SLC25A12: variants seen among roughly 807,000 people sequenced by gnomAD.
SLC25A12 encodes the protein solute carrier family 25 member 12.
In SLC25A12, 32 loss-of-function variants were observed where a neutral mutation model predicts 83.3. The ratio of observed to expected loss-of-function variants is 0.38; its 90% CI spans 0.29 to 0.52. The LOEUF is 0.52. Among genes scored for constraint, SLC25A12 ranks in the 20% least tolerant of loss-of-function variants. The pLI, the probability that SLC25A12 is intolerant of heterozygous loss-of-function variation, is 0.84. For synonymous variants in SLC25A12, 267 were observed against 291.1 expected (o/e 0.92, Z 0.84); for missense variants, 611 against 835.6 (o/e 0.73, Z 3.31).
chr2:171,837,672 TTA>T (rs1684587034), intron 5 of SLC25A12, among the ~76,000 whole-genome samples: 1 of 152,194 alleles, frequency 6.6e-6, no homozygotes. Flanking sequence ...AATTAAGAGT[TTA>T]GATTCATTTT....
intron 9 of SLC25A12, among the ~76,000 whole-genome samples, chr2:171,817,447 C>CA (rs1230111772): frequency 6.6e-6 from 1 of 151,502 alleles, no homozygotes; most frequent in Non-Finnish European, 1.5e-5. Context: ...ACTAAAAATA[C>CA]AAAAATTAGT....
chr2:171,841,045 T>C (rs1684661929), intron 5 of SLC25A12, among the ~76,000 whole-genome samples: 1 of 152,182 alleles, frequency 6.6e-6, no homozygotes, highest in African/African-American at 2.4e-5. Context: ...CAAACTATCT[T>C]AGCATAATGG....
At chr2:171,789,896 C>CA (rs1048907992) in intron 15 of SLC25A12, among the ~76,000 whole-genome samples, 185 of 137,698 alleles carry the variant, frequency 1.3e-3, no homozygotes, top group Admixed American at 1.5e-3. Flanking sequence ...TCTGTCTCAC[C>CA]AAAAAAAAAA....
At chr2:171,858,611 T>G (rs1274036383) in intron 3 of SLC25A12, among the ~76,000 whole-genome samples, 1 of 152,258 alleles carries the variant, frequency 6.6e-6, no homozygotes, top group Non-Finnish European at 1.5e-5. Flanking sequence ...TTCTTTGGCA[T>G]GCAAAGTACT....
intron 9 of SLC25A12, among the ~76,000 whole-genome samples, chr2:171,818,562 A>C (rs1355287197): frequency 5.9e-5 from 9 of 151,842 alleles, no homozygotes. Context: ...ACTTGAGCCC[A>C]AGAGTTCAAG....
Position 171,809,598 on chromosome 2 carries a change from ATACT to A in SLC25A12, c.1305+4_1305+7del. 6.2e-7 allele frequency: 1 copy of A among 1,609,518 alleles called. No individual in the cohort carries two copies. The highest frequency in any genetic ancestry group is 8.5e-7 in the Non-Finnish European group (1 of 1,175,822). ...TTGTCACAAGAAGCGCCTAACAGTA[ATACT>A]TACACAGCCTCCAGCAAGAACTTCT... On this transcript the variant is annotated splice_donor_5th_base_variant and intron_variant, in intron 13 of 17. Coordinates refer to ENST00000422440, the MANE Select transcript of SLC25A12 (RefSeq NM_003705.5).
rs1317504749 is a variant in SLC25A12, at chr2:171,783,559, ACTACATATT to A, written c.*1706_*1714del. Among the ~76,000 whole-genome samples the A allele has an allele frequency of 6.6e-6, 1 of 152,236 alleles. No homozygotes were observed. The highest frequency in any genetic ancestry group is 2.4e-5 in the African/African-American group (1 of 41,460). On this transcript the variant is annotated 3_prime_UTR_variant, in exon 18 of 18. Transcript: ENST00000422440. ...ATTTCTATAGAGTTATGAAAAACAG[ACTACATATT>A]CATGCTGTAACCTGTTAGCAGTGAT...
intron 3 of SLC25A12, among the ~76,000 whole-genome samples, chr2:171,858,225 T>A (rs1055060141): frequency 6.6e-6 from 1 of 152,220 alleles, no homozygotes; most frequent in Admixed American, 6.5e-5. Flanking sequence ...GAAACTAATC[T>A]TTCCTTGATT....
intron 15 of SLC25A12, among the ~76,000 whole-genome samples, chr2:171,789,290 A>G (rs1038759208): frequency 1.3e-5 from 2 of 151,958 alleles, no homozygotes; most frequent in African/African-American, 2.4e-5. Context: ...GTGCAGTGGC[A>G]CAATCTCGGC....
At chr2:171,866,023 G>A (rs1205548079) in intron 3 of SLC25A12, among the ~76,000 whole-genome samples, 1 of 138,576 alleles carries the variant, frequency 7.2e-6, no homozygotes, top group African/African-American at 2.7e-5. Context: ...GGGTACTTGA[G>A]ATTAGGGAGT....
At chr2:171,785,506 A>C (rs1438933021) in intron 17 of SLC25A12, 31 bp from the exon 18 acceptor site, 1 of 1,605,100 alleles carries the variant, frequency 6.2e-7, no homozygotes, top group South Asian at 1.1e-5. Context: ...AATGGTTAGC[A>C]TGCTCAAGGT....
intron 4 of SLC25A12, among the ~76,000 whole-genome samples, chr2:171,855,437 A>G (rs1299819131): frequency 6.6e-6 from 1 of 152,192 alleles, no homozygotes; most frequent in Non-Finnish European, 1.5e-5. Context: ...ACATAGTAGC[A>G]ATTTTCCAAG....
At position 171,787,774 on chromosome 2, in the gene SLC25A12, C is replaced by T. The variant is rs1213807445; in HGVS notation, c.1744+15G>A. 3.1e-6 allele frequency: 5 copies of T among 1,614,014 alleles called. No individual in the cohort carries two copies. The highest frequency in any genetic ancestry group is 3.4e-6 in the Non-Finnish European group (4 of 1,179,966). ...AGCCAGCCAGCCATTCTGTATGGCT[C>T]CAGCCCCTGCCTACCTGCAGTCCCT... On this transcript the variant is annotated intron_variant, in intron 16 of 17. Coordinates refer to ENST00000422440, the MANE Select transcript of SLC25A12 (RefSeq NM_003705.5).
At chr2:171,860,062 C>T (rs1158369966) in intron 3 of SLC25A12, among the ~76,000 whole-genome samples, 1 of 152,134 alleles carries the variant, frequency 6.6e-6, no homozygotes, top group Non-Finnish European at 1.5e-5. Flanking sequence ...AGCCACTGCG[C>T]CTGGCCTTGG....
chr2:171,819,271 T>C (rs1381457777), intron 9 of SLC25A12, among the ~76,000 whole-genome samples: 2 of 127,584 alleles, frequency 1.6e-5, no homozygotes, highest in African/African-American at 5.9e-5. Flanking sequence ...ATACATTATA[T>C]ATTTACATAA....
intron 15 of SLC25A12, among the ~76,000 whole-genome samples, chr2:171,789,931 A>C (rs150659725): frequency 1.1e-4 from 16 of 152,278 alleles, no homozygotes; most frequent in African/African-American, 3.8e-4. Context: ...TAAGTACCAG[A>C]AAGGGGCTGC....
chr2:171,882,821 G>A (rs936683845), intron 2 of SLC25A12, among the ~76,000 whole-genome samples: 9 of 151,514 alleles, frequency 5.9e-5, no homozygotes, highest in Non-Finnish European at 1.2e-4. Context: ...AGAAAGTTAC[G>A]CACAAAAAAA....
At chr2:171,841,284 T>C (rs1434830152) in intron 5 of SLC25A12, among the ~76,000 whole-genome samples, 1 of 152,206 alleles carries the variant, frequency 6.6e-6, no homozygotes, top group African/African-American at 2.4e-5. Context: ...TTCACCATGT[T>C]GGCCAGGCTG....
chr2:171,875,926 A>AG (rs1454116479), intron 2 of SLC25A12, among the ~76,000 whole-genome samples: 1 of 149,766 alleles, frequency 6.7e-6, no homozygotes, highest in African/African-American at 2.5e-5. Context: ...AAAAAAAAAA[A>AG]AAAAGAAACC....
Sources: allele counts gnomAD v4.1 joint callset (sites outside exome capture counted in the v4.1 genomes callset), GRCh38; gene constraint gnomAD v4.1.1; transcripts MANE v1.5; gene names NCBI Gene and HGNC (gene_info 2026-07-23, HGNC 2026-07-21).